Variants in KLHL7 observed in about 807,000 individuals in gnomAD.
The protein encoded by KLHL7 is kelch like family member 7.
A neutral mutation model predicts 67.4 loss-of-function variants in KLHL7; 44 were observed. The ratio of observed to expected loss-of-function variants is 0.65; its 90% CI spans 0.51 to 0.84. The LOEUF (loss-of-function observed/expected upper bound fraction) is 0.84. Ranked by LOEUF, KLHL7 falls within the 40% of genes least tolerant of loss-of-function variation. The probability of loss-of-function intolerance (pLI) is 0.00; values close to 1 mark genes in which losing one functional copy is unlikely to be tolerated. For synonymous variants in KLHL7, 252 were observed against 243.3 expected (o/e 1.04, Z -0.33); for missense variants, 362 against 718.1 (o/e 0.50, Z 5.67).
At chr7:23,154,781 C>T (rs76883725) in intron 7 of KLHL7, among the ~76,000 whole-genome samples, 6,708 of 152,244 alleles carry the variant, frequency 0.044, 215 homozygotes, top group Non-Finnish European at 0.07. Flanking sequence ...CAGAAATATG[C>T]GTTAGCCAAA....
intron 1 of KLHL7, chr7:23,118,018 G>T: frequency 6.3e-7 from 1 of 1,594,970 alleles, no homozygotes. Context: ...AGAACGTGGG[G>T]CAGTTGACTG....
intron 9 of KLHL7, among the ~76,000 whole-genome samples, chr7:23,172,512 A>T (rs1785193328): frequency 1.3e-5 from 2 of 152,240 alleles, no homozygotes; most frequent in African/African-American, 4.8e-5. Context: ...TGTTTTACTT[A>T]CGCATATATA....
chr7:23,157,381 G>A (rs1456269350), intron 7 of KLHL7, among the ~76,000 whole-genome samples: 1 of 152,204 alleles, frequency 6.6e-6, no homozygotes, highest in Non-Finnish European at 1.5e-5. Flanking sequence ...TGCAGGTGTG[G>A]GTCATCATGA....
chr7:23,156,814 G>C (rs929273143), intron 7 of KLHL7, among the ~76,000 whole-genome samples: 1 of 152,136 alleles, frequency 6.6e-6, no homozygotes, highest in Non-Finnish European at 1.5e-5. Flanking sequence ...CTCAGTGTCT[G>C]GCACAGGGTG....
chr7:23,120,409 T>C (rs947405126), intron 1 of KLHL7, among the ~76,000 whole-genome samples: 6 of 150,726 alleles, frequency 4.0e-5, no homozygotes, highest in African/African-American at 1.5e-4. Flanking sequence ...TTTTTTGTTT[T>C]AATTGACAAA....
chr7:23,108,128 G>A (rs978440934), intron 1 of KLHL7, among the ~76,000 whole-genome samples: 1 of 152,170 alleles, frequency 6.6e-6, no homozygotes. Flanking sequence ...TAAGGATCAG[G>A]ATAATGAGTG....
chr7:23,129,375 A>G, intron 4 of KLHL7: 1 of 384,926 alleles, frequency 2.6e-6, no homozygotes, highest in Non-Finnish European at 5.2e-6. Flanking sequence ...AGGGAAACTC[A>G]TCCCAAATGA....
intron 7 of KLHL7, among the ~76,000 whole-genome samples, chr7:23,153,224 C>CG (rs200336895): frequency 0.13 from 1,319 of 10,478 alleles, 13 homozygotes; most frequent in African/African-American, 0.32. Context: ...CCTGAGGCGG[C>CG]GGGGGGGCTA....
intron 4 of KLHL7, among the ~76,000 whole-genome samples, chr7:23,127,102 T>A (rs1783602699): frequency 6.6e-6 from 1 of 152,192 alleles, no homozygotes; most frequent in African/African-American, 2.4e-5. Context: ...GGGAATTACC[T>A]TAATTAAGTT....
At chr7:23,164,168 C>T (rs776814254) in intron 7 of KLHL7, among the ~76,000 whole-genome samples, 18 of 151,032 alleles carry the variant, frequency 1.2e-4, no homozygotes, top group East Asian at 5.8e-4. Flanking sequence ...CCCCACCCCC[C>T]GCCAACTACA....
intron 4 of KLHL7, among the ~76,000 whole-genome samples, chr7:23,131,331 C>A (rs374069097): frequency 1.3e-5 from 2 of 152,092 alleles, no homozygotes; most frequent in African/African-American, 4.8e-5. Context: ...AAAATGCCAA[C>A]AAATGGTTCT....
At chr7:23,114,284 A>G (rs1195214075) in intron 1 of KLHL7, among the ~76,000 whole-genome samples, 1 of 152,196 alleles carries the variant, frequency 6.6e-6, no homozygotes, top group Non-Finnish European at 1.5e-5. Context: ...AATTTAGATT[A>G]TTGGGATATG....
intron 7 of KLHL7, chr7:23,156,085 G>A (rs1562584813): frequency 2.4e-6 from 1 of 420,656 alleles, no homozygotes; most frequent in Non-Finnish European, 4.8e-6. Flanking sequence ...TTATAAATGA[G>A]TCATTCCTAA....
rs990286033 is a variant in KLHL7 at position 23,174,996 on chromosome 7, C to T, written c.*698C>T. On this transcript the variant is annotated 3_prime_UTR_variant, in exon 11 of 11. Coordinates refer to ENST00000339077, the MANE Select transcript of KLHL7 (RefSeq NM_001031710.3). ...CATTAATTTATGTCTCTGTTTTATC[C>T]AGTGGTTAAAAAAGGATTCTGCCTC... is the stretch of plus-strand genomic sequence containing the variant. The T allele has an allele frequency of 4.5e-6, 2 of 448,734 alleles. No individual in the cohort carries two copies. The highest frequency in any genetic ancestry group is 2.4e-5 in the Admixed American group (1 of 41,802). The allele number at this position is 448,734 out of a possible 1,614,324, so 27.8% of individuals were successfully genotyped here.
At chr7:23,170,611 A>G (rs978716222) in intron 9 of KLHL7, among the ~76,000 whole-genome samples, 1 of 152,244 alleles carries the variant, frequency 6.6e-6, no homozygotes, top group Non-Finnish European at 1.5e-5. Context: ...CTCAGCAGCA[A>G]CATGGGAGGC....
In KLHL7 at chr7:23,117,081, CTTTTTTTTTTTT is replaced by C. The variant is rs34692665; in HGVS notation, c.121-6683_121-6672del. ...TCATAAAATTTTCCTAGAGCCAGGCCTTTTTTTTTTTTTTTTTTTTTTTTGAGATCAAGTCTC... is the reference window on the plus strand; with the variant it reads ...TCATAAAATTTTCCTAGAGCCAGGCCTTTTTTTTTTTTGAGATCAAGTCTC... On this transcript the variant is annotated intron_variant, in intron 1 of 10. Transcript: ENST00000339077. Among the ~76,000 whole-genome samples the C allele has an allele frequency of 1.3e-4, 9 of 68,226 alleles. 1 individual carries two copies. The highest frequency in any genetic ancestry group is 4.0e-4 in the Admixed American group (2 of 4,964). The allele number at this position is 68,226 out of a possible 152,430, so 44.8% of individuals were successfully genotyped here. A position where few individuals can be genotyped will look rare whatever the true frequency, so the allele number is the denominator to read the frequency against.
chr7:23,144,642 C>T (rs1784299602), intron 6 of KLHL7, among the ~76,000 whole-genome samples: 1 of 152,170 alleles, frequency 6.6e-6, no homozygotes, highest in South Asian at 2.1e-4. Context: ...GAAGCCATTT[C>T]ACTCCTCTCC....
intron 7 of KLHL7, among the ~76,000 whole-genome samples, chr7:23,160,638 C>A (rs1241354210): frequency 6.6e-6 from 1 of 152,142 alleles, no homozygotes; most frequent in African/African-American, 2.4e-5. Flanking sequence ...GCACAACCTC[C>A]CTCCTCCTCC....
chr7:23,116,451 T>C (rs1376457685), intron 1 of KLHL7, among the ~76,000 whole-genome samples: 1 of 152,234 alleles, frequency 6.6e-6, no homozygotes, highest in African/African-American at 2.4e-5. Context: ...TAGTGTTGCA[T>C]TTTCCTCTGT....
Sources: gnomAD v4.1 joint callset for allele counts (sites outside exome capture counted in the v4.1 genomes callset) on GRCh38, gnomAD v4.1.1 for gene constraint, MANE v1.5 for transcripts, NCBI Gene and HGNC (gene_info 2026-07-23, HGNC 2026-07-21) for gene names.